NCKAP1: variants seen among roughly 807,000 people sequenced by gnomAD.
NCKAP1 encodes the protein NCK associated protein 1, also known as nck-associated protein 1.
A neutral mutation model predicts 151.2 loss-of-function variants in NCKAP1; 21 were observed. The ratio of observed to expected loss-of-function variants is 0.14; its 90% CI spans 0.10 to 0.20. The LOEUF is 0.20. Ranked by LOEUF, NCKAP1 falls within the 10% of genes least tolerant of loss-of-function variation. NCKAP1 has a pLI of 1.00. For synonymous variants in NCKAP1, 484 were observed against 451.8 expected (o/e 1.07, Z -0.90); for missense variants, 933 against 1,352.1 (o/e 0.69, Z 4.86).
At chr2:182,996,873 A>G (rs1179996874) in intron 6 of NCKAP1, among the ~76,000 whole-genome samples, 2 of 152,200 alleles carry the variant, frequency 1.3e-5, no homozygotes, top group South Asian at 2.1e-4. Flanking sequence ...ACAGAACCCC[A>G]CAATCTACCA....
chr2:182,991,838 C>T (rs544926448), intron 8 of NCKAP1, among the ~76,000 whole-genome samples: 1 of 152,288 alleles, frequency 6.6e-6, no homozygotes, highest in African/African-American at 2.4e-5. Context: ...CCTAAGGAGT[C>T]TCCCAAGTCC....
chr2:182,988,658 A>G (rs1698105147), intron 9 of NCKAP1, among the ~76,000 whole-genome samples: 1 of 152,198 alleles, frequency 6.6e-6, no homozygotes, highest in Non-Finnish European at 1.5e-5. Flanking sequence ...ATTGCTTCAT[A>G]TACTTTTACA....
intron 9 of NCKAP1, among the ~76,000 whole-genome samples, chr2:182,986,677 T>G (rs1182802373): frequency 6.6e-6 from 1 of 152,120 alleles, no homozygotes; most frequent in Non-Finnish European, 1.5e-5. Context: ...TAATGACTGT[T>G]TGGATAAAAA....
chr2:182,956,097 A>AGTGGCATGATCTTGGCTCACCCAGC (rs1486215989), intron 20 of NCKAP1, among the ~76,000 whole-genome samples: 1 of 152,198 alleles, frequency 6.6e-6, no homozygotes, highest in Non-Finnish European at 1.5e-5. Flanking sequence ...GCTGGAGTGC[A>AGTGGCATGATCTTGGCTCACCCAGC]GTGGCATGAT....
intron 14 of NCKAP1, among the ~76,000 whole-genome samples, chr2:182,978,287 C>T (rs1697866874): frequency 6.6e-6 from 1 of 152,150 alleles, no homozygotes; most frequent in Non-Finnish European, 1.5e-5. Flanking sequence ...AATGGAGTGT[C>T]AAATAATGGC....
intron 1 of NCKAP1, among the ~76,000 whole-genome samples, chr2:183,025,512 C>A (rs1698878422): frequency 6.6e-6 from 1 of 152,004 alleles, no homozygotes; most frequent in African/African-American, 2.4e-5. Flanking sequence ...AATAGGAATG[C>A]AGTAAGAAAT....
At chr2:183,014,560 C>T (rs1434569262) in intron 2 of NCKAP1, among the ~76,000 whole-genome samples, 1 of 152,128 alleles carries the variant, frequency 6.6e-6, no homozygotes, top group Non-Finnish European at 1.5e-5. Flanking sequence ...TACTAGCCTG[C>T]ATACTCTTGG....
chr2:183,014,816 G>A (rs959807546), intron 2 of NCKAP1, among the ~76,000 whole-genome samples: 5 of 152,144 alleles, frequency 3.3e-5, no homozygotes, highest in Non-Finnish European at 7.3e-5. Context: ...GTGGCTAAAG[G>A]CCCCAAAGAA....
chr2:182,951,539 C>T (rs1417237501), intron 23 of NCKAP1, among the ~76,000 whole-genome samples: 2 of 147,016 alleles, frequency 1.4e-5, no homozygotes, highest in East Asian at 2.2e-4. Context: ...CTTGGTGGTG[C>T]GTGCCTGTAG....
At chr2:182,971,516 A>G (rs373453230) in intron 15 of NCKAP1, among the ~76,000 whole-genome samples, 2 of 152,110 alleles carry the variant, frequency 1.3e-5, no homozygotes, top group Non-Finnish European at 2.9e-5. Flanking sequence ...TACCAATGAC[A>G]TTCTTTACAG....
chr2:182,932,728 G>A (rs1696791520), intron 26 of NCKAP1, among the ~76,000 whole-genome samples: 1 of 151,920 alleles, frequency 6.6e-6, no homozygotes, highest in Non-Finnish European at 1.5e-5. Flanking sequence ...ATTATGTCAG[G>A]TGAAAAGTGA....
rs901297759 is a variant in NCKAP1, at chr2:182,920,675, C to G, written c.*5027G>C. 2 of 152,158 alleles carry G rather than the reference C, an allele frequency of 1.3e-5. No individual in the cohort carries two copies. The highest frequency in any genetic ancestry group is 4.8e-5 in the African/African-American group (2 of 41,414). The allele number at this position is 152,158 out of a possible 1,614,324, so 9.4% of individuals were successfully genotyped here. ...TCACGTGGTGGTTGGGGCAAGTCGG[C>G]TGTCTGGGGCCCCTTTTACGAGGGC... On this transcript the variant is annotated 3_prime_UTR_variant, in exon 31 of 31. Transcript: ENST00000361354.
At chr2:182,952,044 C>T (rs1290527945) in intron 23 of NCKAP1, among the ~76,000 whole-genome samples, 4 of 152,098 alleles carry the variant, frequency 2.6e-5, no homozygotes, top group Non-Finnish European at 5.9e-5. Context: ...AAAGCAAATA[C>T]ATTCAAACCG....
chr2:182,982,304 T>C (rs760619810), intron 12 of NCKAP1, among the ~76,000 whole-genome samples: 3 of 152,178 alleles, frequency 2.0e-5, no homozygotes, highest in Non-Finnish European at 4.4e-5. Context: ...TCTAATGATA[T>C]ATTACAAATA....
rs113104956 is a variant in NCKAP1 at position 182,914,500 on chromosome 2, A to C, written c.*11202T>G. 1.3e-5 allele frequency: 2 copies of C among 152,090 alleles called. No homozygotes were observed. The highest frequency in any genetic ancestry group is 4.8e-5 in the African/African-American group (2 of 41,376). The allele number at this position is 152,090 out of a possible 1,614,324, so 9.4% of individuals were successfully genotyped here. The stretch of plus-strand genomic sequence containing the variant: ...ATCAAGCTTTAAAAAACCAATTAAA[A>C]AATTAAAAGAGGAAATGGAGATACT... On this transcript the variant is annotated 3_prime_UTR_variant, in exon 31 of 31. Coordinates refer to ENST00000361354, the MANE Select transcript of NCKAP1 (RefSeq NM_013436.5).
At chr2:183,029,868 TAATC>T (rs1698973164) in intron 1 of NCKAP1, among the ~76,000 whole-genome samples, 1 of 114,054 alleles carries the variant, frequency 8.8e-6, no homozygotes, top group South Asian at 2.9e-4. Flanking sequence ...AACAACAAAA[TAATC>T]AAGATACAAA....
At chr2:182,981,140 C>A in intron 13 of NCKAP1, 104 bp downstream of exon 13, 1 of 1,372,620 alleles carries the variant, frequency 7.3e-7, no homozygotes, top group Admixed American at 2.0e-5. Flanking sequence ...TGATTTATCA[C>A]TTGGCACATG....
chr2:183,018,296 T>C (rs1342954502), intron 2 of NCKAP1, among the ~76,000 whole-genome samples: 1 of 152,002 alleles, frequency 6.6e-6, no homozygotes, highest in Non-Finnish European at 1.5e-5. Flanking sequence ...GTTAAATAAT[T>C]TGCCCAAAAT....
intron 2 of NCKAP1, among the ~76,000 whole-genome samples, chr2:183,003,653 G>A (rs1013319427): frequency 6.6e-6 from 1 of 152,026 alleles, no homozygotes; most frequent in Admixed American, 6.6e-5. Flanking sequence ...CACATTACTA[G>A]AAGTGGGAGA....
Sources: gnomAD v4.1 joint callset for allele counts (sites outside exome capture counted in the v4.1 genomes callset) on GRCh38, gnomAD v4.1.1 for gene constraint, MANE v1.5 for transcripts, NCBI Gene and HGNC (gene_info 2026-07-23, HGNC 2026-07-21) for gene names.